The following MDGA1 variants were observed in gnomAD, a reference collection of about 807,000 sequenced individuals.
MDGA1 encodes MAM domain containing glycosylphosphatidylinositol anchor 1.
MDGA1 carries 54 observed loss-of-function variants against 101.5 expected under a neutral mutation model. The ratio of observed to expected loss-of-function variants is 0.53; its 90% confidence interval spans 0.43 to 0.67. MDGA1 has a LOEUF of 0.67. Ranked by LOEUF, MDGA1 falls within the 30% of genes least tolerant of loss-of-function variation. The pLI, the probability that MDGA1 is intolerant of heterozygous loss-of-function variation, is 0.00. For synonymous variants in MDGA1, 533 were observed against 558.3 expected, an observed-to-expected ratio of 0.95 and a Z score of 0.64; for missense variants, 1,083 against 1,323.8, an observed-to-expected ratio of 0.82 and a Z score of 2.82.
At position 37,637,281 on chromosome 6, in the gene MDGA1, C is replaced by G; in HGVS notation, c.*87G>C. 8.7e-7 allele frequency: 1 copy of G among 1,145,544 alleles called. No individual in the cohort carries two copies. Among genetic ancestry groups the G allele is most frequent in the Non-Finnish European group, 1.3e-6 (1 of 777,108 alleles). The allele number at this position is 1,145,544 out of a possible 1,614,324, so 71.0% of individuals were successfully genotyped here. On this transcript the variant is annotated 3_prime_UTR_variant, in exon 17 of 17. Coordinates refer to ENST00000434837, the MANE Select transcript of MDGA1 (RefSeq NM_153487.4). ...GCGGGCCGGCCCTGCCCCTGGGCACCCCAGCTGGCGGGGGTCAGTCTTTGG... is the reference window on the plus strand; with the variant it reads ...GCGGGCCGGCCCTGCCCCTGGGCACGCCAGCTGGCGGGGGTCAGTCTTTGG...
At chr6:37,650,439 G>C (rs1761335247) in intron 7 of MDGA1, 34 bp from the exon 8 acceptor site, 1 of 1,482,396 alleles carries the variant, frequency 6.7e-7, no homozygotes, top group South Asian at 1.3e-5. Flanking sequence ...GGAGAGGTAG[G>C]AGCGGAGTTA....
chr6:37,694,976 T>C (rs1197013212), intron 1 of MDGA1, among the ~76,000 whole-genome samples: 2 of 151,786 alleles, frequency 1.3e-5, no homozygotes, highest in African/African-American at 4.8e-5. Context: ...CCACTGCCCC[T>C]GACTCCAAAC....
chr6:37,657,421 C>T (rs1440124727), intron 3 of MDGA1, among the ~76,000 whole-genome samples: 1 of 152,206 alleles, frequency 6.6e-6, no homozygotes, highest in Non-Finnish European at 1.5e-5. Flanking sequence ...AGGAGGTGGG[C>T]ATTGGTGGGG....
chr6:37,670,454 T>C (rs925031187), intron 1 of MDGA1, among the ~76,000 whole-genome samples: 4 of 152,228 alleles, frequency 2.6e-5, no homozygotes, highest in Admixed American at 6.5e-5. Flanking sequence ...AGCATCCCCC[T>C]TCTCATGGTA....
chr6:37,693,195 C>G (rs1460905193), intron 1 of MDGA1, among the ~76,000 whole-genome samples: 3 of 152,290 alleles, frequency 2.0e-5, no homozygotes, highest in East Asian at 3.9e-4. Flanking sequence ...CCCCAGGAAA[C>G]CAAAGTTTCA....
chr6:37,658,211 T>C (rs1761535288), intron 3 of MDGA1, 34 bp downstream of exon 3: 1 of 1,527,902 alleles, frequency 6.5e-7, no homozygotes, highest in Admixed American at 1.9e-5. Context: ...GGCTGGGCTG[T>C]CAGGGCCCGG....
chr6:37,631,181 A>G lies in MDGA1; in HGVS notation c.*6187T>C, dbSNP rs142482202. The G allele has an allele frequency of 6.6e-6, 1 of 152,296 alleles. No homozygotes were observed. Among genetic ancestry groups the G allele is most frequent in the Non-Finnish European group, 1.5e-5 (1 of 68,026 alleles). The allele number at this position is 152,296 out of a possible 1,614,324, so 9.4% of individuals were successfully genotyped here. On this transcript the variant is annotated 3_prime_UTR_variant, in exon 17 of 17. Transcript: ENST00000434837. ...GATGATGATCCTAGAGCTACCTTGA[A>G]TCCAAAATGCCCATCTGGTTCAGGA... is the stretch of plus-strand genomic sequence containing the variant.
intron 1 of MDGA1, among the ~76,000 whole-genome samples, chr6:37,693,577 T>C (rs982357681): frequency 6.6e-6 from 1 of 152,234 alleles, no homozygotes; most frequent in Non-Finnish European, 1.5e-5. Context: ...CCCACTGACC[T>C]GCGGTCCGAC....
At chr6:37,681,005 C>A (rs996450874) in intron 1 of MDGA1, among the ~76,000 whole-genome samples, 5 of 152,194 alleles carry the variant, frequency 3.3e-5, no homozygotes, top group African/African-American at 4.8e-5. Context: ...AGCCCCCCCC[C>A]CCCAGGAAAC....
rs778477613 is a variant in MDGA1 at position 37,664,095 on chromosome 6, C to T, written c.79G>A (p.Ala27Thr). The T allele has an allele frequency of 6.2e-7, 1 of 1,613,892 alleles. No homozygotes were observed. The highest frequency in any genetic ancestry group is 8.5e-7 in the Non-Finnish European group (1 of 1,179,868). ...RGQGVYAPAQ[A>T]QIVHAGQACV... ...GCCTGGCCCGCATGCACGATCTGCGCCTGGGCTGGAGCTGGCAGGAGAGGA... is the reference window on the plus strand; with the variant it reads ...GCCTGGCCCGCATGCACGATCTGCGTCTGGGCTGGAGCTGGCAGGAGAGGA... The change falls in exon 2 of 17, where the codon GCG becomes ACG. Residue 27 changes from alanine to threonine, a missense_variant. By Grantham distance (58) the Ala-to-Thr change is moderately conservative. Around this residue, in one of 3 missense-constraint regions of MDGA1, gnomAD observed 310 missense variants for 355.9 expected, o/e 0.87. Coordinates refer to ENST00000434837, the MANE Select transcript of MDGA1 (RefSeq NM_153487.4).
chr6:37,644,026 T>C (rs1445709727), intron 13 of MDGA1, 83 bp from the exon 14 acceptor site: 1 of 1,530,518 alleles, frequency 6.5e-7, no homozygotes, highest in Non-Finnish European at 8.8e-7. Context: ...CCTAGGCCTC[T>C]GCGGGCTGAA....
intron 1 of MDGA1, among the ~76,000 whole-genome samples, chr6:37,666,375 G>A (rs1443770784): frequency 7.8e-5 from 11 of 140,614 alleles, no homozygotes; most frequent in South Asian, 4.6e-4. Flanking sequence ...AAAAAAAAAA[G>A]AAAAGAAAAA....
At chr6:37,695,722 C>T (rs1468567572) in intron 1 of MDGA1, among the ~76,000 whole-genome samples, 1 of 152,216 alleles carries the variant, frequency 6.6e-6, no homozygotes, top group Non-Finnish European at 1.5e-5. Flanking sequence ...TCCCTCCACC[C>T]AACAGAAAAG....
chr6:37,664,150 A>G, intron 1 of MDGA1, 44 bp from the exon 2 acceptor site: 3 of 1,611,482 alleles, frequency 1.9e-6, no homozygotes, highest in South Asian at 1.1e-5. Context: ...AAGAGGTGCC[A>G]AGGCCAGAAG....
At chr6:37,691,268 C>T (rs753156660) in intron 1 of MDGA1, among the ~76,000 whole-genome samples, 5 of 152,146 alleles carry the variant, frequency 3.3e-5, no homozygotes, top group African/African-American at 4.8e-5. Flanking sequence ...CTACTTCTTA[C>T]CAGCTGTGCA....
chr6:37,672,491 T>C (rs1352380488), intron 1 of MDGA1, among the ~76,000 whole-genome samples: 1 of 152,204 alleles, frequency 6.6e-6, no homozygotes, highest in African/African-American at 2.4e-5. Flanking sequence ...GCCCTCTTCC[T>C]GCTTCTGGCT....
intron 14 of MDGA1, among the ~76,000 whole-genome samples, chr6:37,642,651 A>T (rs1437954558): frequency 6.6e-6 from 1 of 152,170 alleles, no homozygotes; most frequent in Non-Finnish European, 1.5e-5. Flanking sequence ...AAACAAAAAC[A>T]ATTTTAAAAA....
chr6:37,692,938 G>A (rs1220637013), intron 1 of MDGA1, among the ~76,000 whole-genome samples: 2 of 152,202 alleles, frequency 1.3e-5, no homozygotes, highest in African/African-American at 4.8e-5. Context: ...GGGACATCAT[G>A]AGGATCTTGA....
chr6:37,650,114 A>C lies in MDGA1; in HGVS notation c.1604T>G (p.Val535Gly). The change falls in exon 8 of 17, where the codon GTG (valine) becomes GGG (glycine). Residue 535 changes from valine to glycine, a missense_variant. Around this residue, in one of 3 missense-constraint regions of MDGA1, gnomAD observed 657 missense variants for 771.4 expected, o/e 0.85. Transcript: ENST00000434837. ...RPREAQVQLN[V>G]QFPPEVEPSS... ...GGGTGGCGTGGTGGACTCACACTGCACGTTCAGCTGCACCTGGGCCTCACG... is the reference window on the plus strand; with the variant it reads ...GGGTGGCGTGGTGGACTCACACTGCCCGTTCAGCTGCACCTGGGCCTCACG... The C allele has an allele frequency of 6.2e-7, 1 of 1,608,168 alleles. No homozygotes were observed. Among genetic ancestry groups the C allele is most frequent in the South Asian group, 1.1e-5 (1 of 90,862 alleles).
Sources: allele counts gnomAD v4.1 joint callset (sites outside exome capture counted in the v4.1 genomes callset), GRCh38; gene constraint gnomAD v4.1.1; regional missense constraint gnomAD v4.1.1; transcripts MANE v1.5; gene names NCBI Gene and HGNC (gene_info 2026-07-23, HGNC 2026-07-21).